The following OR2AG1 variants were observed in gnomAD, a reference collection of about 807,000 sequenced individuals.
OR2AG1 encodes olfactory receptor family 2 subfamily AG member 1, also known as olfactory receptor 2AG1.
For missense variants in OR2AG1, 391 were observed against 385.9 expected, an observed-to-expected ratio of 1.01 and a Z score of -0.11; for synonymous variants, 157 against 155.6, an observed-to-expected ratio of 1.01 and a Z score of -0.07.
rs972110289 is a variant in OR2AG1, at chr11:6,788,557, T to A, written c.*2569T>A. 1 of 152,184 alleles carries A rather than the reference T, an allele frequency of 6.6e-6. No homozygotes were observed. Among genetic ancestry groups the A allele is most frequent in the African/African-American group, 2.4e-5 (1 of 41,450 alleles). The allele number at this position is 152,184 out of a possible 1,614,324, so 9.4% of individuals were successfully genotyped here. On this transcript the variant is annotated 3_prime_UTR_variant, in exon 2 of 2. Transcript: ENST00000641258. The stretch of plus-strand genomic sequence containing the variant: ...TCTTAATAGCTCACTTGTAATTTGA[T>A]TGTGAATATATTTAACTGATAAATT...
At position 6,785,586 on chromosome 11, in the gene OR2AG1, C is replaced by A. The variant is rs769215620; in HGVS notation, c.549C>A (p.His183Gln). ...EIRHLLCEIP[H>Q]LLKVACADTS... ...GGCATCTTCTCTGTGAGATCCCACA[C>A]TTGCTGAAGGTGGCCTGTGCTGATA... Residue 183 changes from histidine to glutamine, a missense_variant, in exon 2 of 2, where the codon CAC (histidine) becomes CAA (glutamine). Coordinates refer to ENST00000641258, the MANE Select transcript of OR2AG1 (RefSeq NM_001004489.3). The A allele has an allele frequency of 3.7e-6, 6 of 1,614,064 alleles. No homozygotes were observed. The highest frequency in any genetic ancestry group is 5.1e-6 in the Non-Finnish European group (6 of 1,180,008).
rs1426352609 is a variant in OR2AG1 at position 6,788,269 on chromosome 11, T to C, written c.*2281T>C. On this transcript the variant is annotated 3_prime_UTR_variant, in exon 2 of 2. Transcript: ENST00000641258. ...ACAGTTCAATTTAGGTAACAATTTA[T>C]ATATTTTATGTGTTTTGTCACTCTA... is the stretch of plus-strand genomic sequence containing the variant. 6.6e-6 allele frequency: 1 copy of C among 152,202 alleles called. No individual in the cohort carries two copies. The highest frequency in any genetic ancestry group is 1.9e-4 in the East Asian group (1 of 5,202). The allele number at this position is 152,202 out of a possible 1,614,324, so 9.4% of individuals were successfully genotyped here. A position where few individuals can be genotyped will look rare whatever the true frequency, so the allele number is the denominator to read the frequency against.
At chr11:6,784,009 T>C (rs1422369272) in intron 1 of OR2AG1, among the ~76,000 whole-genome samples, 1 of 152,196 alleles carries the variant, frequency 6.6e-6, no homozygotes, top group Non-Finnish European at 1.5e-5. Context: ...ACAATGCACA[T>C]AGACTCCTGT....
In OR2AG1 at chr11:6,785,126, C is replaced by T. The variant is rs1847609603; in HGVS notation, c.89C>T (p.Thr30Ile). ...GGGTCTCCTGAACTGCTCTGTGCTA[C>T]AATTACAATCCTATACTTGTTGGCC... ...DSGSPELLCA[T>I]ITILYLLALI... The change falls in exon 2 of 2, where the codon ACA (threonine) becomes ATA (isoleucine). Residue 30 changes from threonine (T) to isoleucine (I), a missense_variant. Coordinates refer to ENST00000641258, the MANE Select transcript of OR2AG1 (RefSeq NM_001004489.3). 6.2e-7 allele frequency: 1 copy of T among 1,614,108 alleles called. No individual in the cohort carries two copies. The highest frequency in any genetic ancestry group is 1.1e-5 in the South Asian group (1 of 91,080).
Position 6,785,408 on chromosome 11 carries a change from T to G in OR2AG1, c.371T>G (p.Val124Gly). 1 of 1,614,194 alleles carries G rather than the reference T, an allele frequency of 6.2e-7. No individual in the cohort carries two copies. Among genetic ancestry groups the G allele is most frequent in the South Asian group, 1.1e-5 (1 of 91,082 alleles). ...GCCTTCATGGCCTATGACAGGTATG[T>G]GGCCATTTGTCATCCTCTGACATAC... is the stretch of plus-strand genomic sequence containing the variant. ...LLAFMAYDRY[V>G]AICHPLTYMT... The change falls in exon 2 of 2, where the codon GTG becomes GGG. Residue 124 changes from valine to glycine, a missense_variant. By Grantham distance (109) the Val-to-Gly change is moderately radical. Coordinates refer to ENST00000641258, the MANE Select transcript of OR2AG1 (RefSeq NM_001004489.3).
At position 6,785,840 on chromosome 11, in the gene OR2AG1, C is replaced by A. The variant is rs1410398634; in HGVS notation, c.803C>A (p.Thr268Asn). 3 of 1,614,014 alleles carry A rather than the reference C, an allele frequency of 1.9e-6. No homozygotes were observed. Among genetic ancestry groups the A allele is most frequent in the Non-Finnish European group, 2.5e-6 (3 of 1,180,032 alleles). Residue 268 changes from threonine to asparagine, a missense_variant, in exon 2 of 2, where the codon ACC (threonine) becomes AAC (asparagine). By Grantham distance (65) the Thr-to-Asn change is moderately conservative. Transcript: ENST00000641258. ...MYVLPSSFHS[T>N]RQDNIISVFY... is the part of the protein sequence containing the mutation. ...GTCTTGCCCAGTTCCTTCCACAGCACCAGACAAGACAACATCATCTCTGTT... is the reference window on the plus strand; with the variant it reads ...GTCTTGCCCAGTTCCTTCCACAGCAACAGACAAGACAACATCATCTCTGTT...
rs1044043744 is a variant in OR2AG1, at chr11:6,788,165, T to A, written c.*2177T>A. The A allele has an allele frequency of 6.6e-6, 1 of 152,002 alleles. No individual in the cohort carries two copies. Among genetic ancestry groups the A allele is most frequent in the African/African-American group, 2.4e-5 (1 of 41,302 alleles). 9.4% of individuals were successfully genotyped at this position (152,002 alleles called of 1,614,324 possible). A position where few individuals can be genotyped will look rare whatever the true frequency, so the allele number is the denominator to read the frequency against. On this transcript the variant is annotated 3_prime_UTR_variant, in exon 2 of 2. Coordinates refer to ENST00000641258, the MANE Select transcript of OR2AG1 (RefSeq NM_001004489.3). ...TAAAATATTTGTATAGTGAAGGATATCTTTTATTTTTTTTTCCAGTGATTT... is the reference window on the plus strand; with the variant it reads ...TAAAATATTTGTATAGTGAAGGATAACTTTTATTTTTTTTTCCAGTGATTT...
rs1406944706 is a variant in OR2AG1 at position 6,783,304 on chromosome 11, C to G, written c.-188C>G. 2 of 152,246 alleles carry G rather than the reference C, an allele frequency of 1.3e-5. No homozygotes were observed. The highest frequency in any genetic ancestry group is 2.9e-5 in the Non-Finnish European group (2 of 68,068). 9.4% of individuals were successfully genotyped at this position (152,246 alleles called of 1,614,324 possible). A position where few individuals can be genotyped will look rare whatever the true frequency, so the allele number is the denominator to read the frequency against. ...ATAGAAGGGCCCTGACATCTGATCT[C>G]ACTAGTACTTTTCAGACACTTAACC... On this transcript the variant is annotated 5_prime_UTR_variant, in exon 1 of 2. Coordinates refer to ENST00000641258, the MANE Select transcript of OR2AG1 (RefSeq NM_001004489.3).
rs1334505442 is a variant in OR2AG1, at chr11:6,785,266, G to A, written c.229G>A (p.Val77Ile). The change falls in exon 2 of 2, where the codon GTC becomes ATC. Residue 77 changes from valine to isoleucine, a missense_variant. By Grantham distance (29) the Val-to-Ile change is conservative. Coordinates refer to ENST00000641258, the MANE Select transcript of OR2AG1 (RefSeq NM_001004489.3). ...SLMDLLFTSV[V>I]TPKALADFLR... The stretch of plus-strand genomic sequence containing the variant: ...CATGGACCTCCTGTTCACATCTGTT[G>A]TCACTCCCAAGGCCCTTGCGGACTT... The A allele has an allele frequency of 1.2e-6, 2 of 1,614,080 alleles. No individual in the cohort carries two copies. Among genetic ancestry groups the A allele is most frequent in the Non-Finnish European group, 1.7e-6 (2 of 1,180,018 alleles).
In OR2AG1 at chr11:6,785,145, G is replaced by C; in HGVS notation, c.108G>C (p.Leu36Phe). The change falls in exon 2 of 2, where the codon TTG (leucine) becomes TTC (phenylalanine). Residue 36 changes from leucine to phenylalanine, a missense_variant. Physicochemically the swap from Leu to Phe is conservative, Grantham distance 22 (BLOSUM62 0). Transcript: ENST00000641258. ...GTGCTACAATTACAATCCTATACTT[G>C]TTGGCCCTGATCAGCAATGGCCTAC... ...LLCATITILY[L>F]LALISNGLLL... 3 of 1,614,110 alleles carry C rather than the reference G, an allele frequency of 1.9e-6. No homozygotes were observed. Among genetic ancestry groups the C allele is most frequent in the South Asian group, 1.1e-5 (1 of 91,092 alleles).
chr11:6,785,774 C>A lies in OR2AG1; in HGVS notation c.737C>A (p.Thr246Asn). ...KALVTCSSHLTVVGMFYGAAT... is the reference protein window; with the variant it reads ...KALVTCSSHLNVVGMFYGAAT... Reference sequence around the variant, plus strand: ...CTTGTCACCTGCTCTTCCCACCTGACTGTGGTTGGGATGTTCTATGGAGCT... The same window carrying A: ...CTTGTCACCTGCTCTTCCCACCTGAATGTGGTTGGGATGTTCTATGGAGCT... The change falls in exon 2 of 2, where the codon ACT (threonine) becomes AAT (asparagine). Residue 246 changes from threonine (T) to asparagine (N), a missense_variant. Transcript: ENST00000641258. The A allele has an allele frequency of 1.2e-6, 2 of 1,614,156 alleles. No homozygotes were observed. Among genetic ancestry groups the A allele is most frequent in the South Asian group, 2.2e-5 (2 of 91,084 alleles).
Position 6,787,612 on chromosome 11 carries a change from A to T in OR2AG1, c.*1624A>T, listed in dbSNP as rs1362094516. 3.2e-5 allele frequency: 4 copies of T among 126,720 alleles called. No homozygotes were observed. The highest frequency in any genetic ancestry group is 5.2e-5 in the African/African-American group (2 of 38,202). 7.8% of individuals were successfully genotyped at this position (126,720 alleles called of 1,614,324 possible). On this transcript the variant is annotated 3_prime_UTR_variant, in exon 2 of 2. Transcript: ENST00000641258. Reference sequence around the variant, plus strand: ...TGTTACATCATATGGGTGTTTTGTAACATTATTAGCTATTTTATCATTGTT... The same window carrying T: ...TGTTACATCATATGGGTGTTTTGTATCATTATTAGCTATTTTATCATTGTT...
At chr11:6,783,693 C>T (rs1847595002) in intron 1 of OR2AG1, among the ~76,000 whole-genome samples, 1 of 152,230 alleles carries the variant, frequency 6.6e-6, no homozygotes, top group Admixed American at 6.5e-5. Context: ...GCATGGGTAT[C>T]TGCTTCCTGG....
chr11:6,787,655 G>A lies in OR2AG1; in HGVS notation c.*1667G>A, dbSNP rs1340341908. 1 of 7,078 alleles carries A rather than the reference G, an allele frequency of 1.4e-4. No homozygotes were observed. Among genetic ancestry groups the A allele is most frequent in the Non-Finnish European group, 2.6e-4 (1 of 3,910 alleles). 0.4% of individuals were successfully genotyped at this position (7,078 alleles called of 1,614,324 possible). ...TCATTGTTTTACCTTTAACATTGTC[G>A]TGTGTGTGTGTGTGTGTGTGTGTGT... On this transcript the variant is annotated 3_prime_UTR_variant, in exon 2 of 2. Coordinates refer to ENST00000641258, the MANE Select transcript of OR2AG1 (RefSeq NM_001004489.3).
At position 6,788,979 on chromosome 11, in the gene OR2AG1, A is replaced by G. The variant is rs1299218707; in HGVS notation, c.*2991A>G. On this transcript the variant is annotated 3_prime_UTR_variant, in exon 2 of 2. Transcript: ENST00000641258. ...AGTAAGAAGTCTTTGCATGACTCCA[A>G]TCCCCCTCAGTAACTGTAGCATTAT... The G allele has an allele frequency of 6.6e-6, 1 of 151,094 alleles. No homozygotes were observed. Among genetic ancestry groups the G allele is most frequent in the Non-Finnish European group, 1.5e-5 (1 of 67,872 alleles). The allele number at this position is 151,094 out of a possible 1,614,324, so 9.4% of individuals were successfully genotyped here.
In OR2AG1 at chr11:6,790,236, A is replaced by C. The variant is rs1847675679; in HGVS notation, c.*4248A>C. 6.6e-6 allele frequency: 1 copy of C among 152,240 alleles called. No individual in the cohort carries two copies. The highest frequency in any genetic ancestry group is 6.5e-5 in the Admixed American group (1 of 15,282). The allele number at this position is 152,240 out of a possible 1,614,324, so 9.4% of individuals were successfully genotyped here. A position where few individuals can be genotyped will look rare whatever the true frequency, so the allele number is the denominator to read the frequency against. Reference sequence around the variant, plus strand: ...ATAGAGAGTACAGTGGTGTTTGCCAAGGGTTTGGGGTGACTGTGGGAGGAA... The same window carrying C: ...ATAGAGAGTACAGTGGTGTTTGCCACGGGTTTGGGGTGACTGTGGGAGGAA... On this transcript the variant is annotated 3_prime_UTR_variant, in exon 2 of 2. Coordinates refer to ENST00000641258, the MANE Select transcript of OR2AG1 (RefSeq NM_001004489.3).
rs1233231261 is a variant in OR2AG1, at chr11:6,787,957, A to G, written c.*1969A>G. The G allele has an allele frequency of 2.6e-5, 4 of 152,182 alleles. No homozygotes were observed. The highest frequency in any genetic ancestry group is 9.7e-5 in the African/African-American group (4 of 41,446). The allele number at this position is 152,182 out of a possible 1,614,324, so 9.4% of individuals were successfully genotyped here. ...AGTAGTCTTCACTAATTGATAAGGTATAAAATTTGCCTATTTTAATTTGCT... is the reference window on the plus strand; with the variant it reads ...AGTAGTCTTCACTAATTGATAAGGTGTAAAATTTGCCTATTTTAATTTGCT... On this transcript the variant is annotated 3_prime_UTR_variant, in exon 2 of 2. Transcript: ENST00000641258.
rs992391530 is a variant in OR2AG1, at chr11:6,785,470, G to A, written c.433G>A (p.Val145Met). 1 of 1,614,108 alleles carries A rather than the reference G, an allele frequency of 6.2e-7. No homozygotes were observed. The highest frequency in any genetic ancestry group is 2.2e-5 in the East Asian group (1 of 44,872). Residue 145 changes from valine to methionine, a missense_variant, in exon 2 of 2, where the codon GTG becomes ATG. Coordinates refer to ENST00000641258, the MANE Select transcript of OR2AG1 (RefSeq NM_001004489.3). ...GAGCTCAAGAGCCTGCTGGCTCATGGTGGCCACGTCCTGGATCCTGGCATC... is the reference window on the plus strand; with the variant it reads ...GAGCTCAAGAGCCTGCTGGCTCATGATGGCCACGTCCTGGATCCTGGCATC... ...LMSSRACWLM[V>M]ATSWILASLS...
chr11:6,785,006 ATCTTGT>A lies in OR2AG1; in HGVS notation c.-20-8_-20-3del. 1 of 1,408,130 alleles carries A rather than the reference ATCTTGT, an allele frequency of 7.1e-7. No individual in the cohort carries two copies. The highest frequency in any genetic ancestry group is 2.3e-5 in the East Asian group (1 of 43,690). 87.2% of individuals were successfully genotyped at this position (1,408,130 alleles called of 1,614,324 possible). On this transcript the variant is annotated splice_region_variant and splice_polypyrimidine_tract_variant and intron_variant, in intron 1 of 1. Transcript: ENST00000641258. ...CTTAGCAAAAATTCATGAAGTATCC[ATCTTGT>A]TCTAGGTGATGAAAGAAACCACAGC...
Sources: gnomAD v4.1 joint callset for allele counts (sites outside exome capture counted in the v4.1 genomes callset) on GRCh38, gnomAD v4.1.1 for gene constraint, MANE v1.5 for transcripts, NCBI Gene and HGNC (gene_info 2026-07-23, HGNC 2026-07-21) for gene names.